The following ADK variants were observed in gnomAD, a reference collection of about 807,000 sequenced individuals.
ADK encodes the protein N6,N6-dimethyladenosine kinase.
Under a neutral mutation model 44.7 loss-of-function variants are expected in ADK, and 24 were observed. The ratio of observed to expected loss-of-function variants is 0.54; its 90% CI spans 0.39 to 0.76. The LOEUF (loss-of-function observed/expected upper bound fraction) is 0.76. Among genes scored for constraint, ADK ranks in the 30% least tolerant of loss-of-function variants. ADK has a pLI of 0.00. For missense variants in ADK, 321 were observed against 425.1 expected (o/e 0.76, Z 2.15); for synonymous variants, 128 against 142.6 (o/e 0.90, Z 0.73).
At chr10:74,201,378 C>G (rs7910153) in intron 2 of ADK, among the ~76,000 whole-genome samples, 112,053 of 152,112 alleles carry the variant, frequency 0.74, 41,973 homozygotes, top group Middle Eastern at 0.85. Flanking sequence ...GAGGCCATTT[C>G]GTACAATAGT....
intron 7 of ADK, among the ~76,000 whole-genome samples, chr10:74,574,383 A>G (rs751400805): frequency 1.3e-5 from 2 of 151,674 alleles, no homozygotes; most frequent in African/African-American, 2.4e-5. Context: ...GTTGGCCAGG[A>G]TGGTCTCGCT....
chr10:74,191,667 TC>T (rs1842956428), intron 1 of ADK, among the ~76,000 whole-genome samples: 1 of 152,048 alleles, frequency 6.6e-6, no homozygotes, highest in Non-Finnish European at 1.5e-5. Flanking sequence ...TCACTCAACT[TC>T]CCCCAATGAT....
intron 3 of ADK, among the ~76,000 whole-genome samples, chr10:74,291,190 G>A (rs1368335690): frequency 1.9e-4 from 29 of 152,180 alleles, no homozygotes; most frequent in Admixed American, 1.9e-3. Flanking sequence ...GCTGAGGTGG[G>A]CGGATCACGA....
intron 3 of ADK, among the ~76,000 whole-genome samples, chr10:74,280,760 C>T (rs1174932493): frequency 1.3e-5 from 2 of 152,098 alleles, no homozygotes; most frequent in Non-Finnish European, 2.9e-5. Context: ...ATTTTGTCAC[C>T]ATTATTTTTT....
chr10:74,552,733 A>G (rs915646839), intron 7 of ADK, among the ~76,000 whole-genome samples: 1 of 152,196 alleles, frequency 6.6e-6, no homozygotes, highest in Non-Finnish European at 1.5e-5. Context: ...AGACAAATCA[A>G]TAGACAAATA....
Position 74,398,484 on chromosome 10 carries a change from A to G in ADK, c.460A>G (p.Asn154Asp), listed in dbSNP as rs1489431646. Residue 154 changes from asparagine (N) to aspartate (D), a missense_variant, in exon 6 of 11, where the codon AAT becomes GAT. Transcript: ENST00000539909. ...ITGDNRSLIANLAAANCYKKE... is the reference protein window; with the variant it reads ...ITGDNRSLIADLAAANCYKKE... ...TGGTTGTTTTAGGTCCCTCATAGCT[A>G]ATCTTGCTGCTGCCAATTGTTATAA... The G allele has an allele frequency of 6.2e-7, 1 of 1,610,546 alleles. No homozygotes were observed. Among genetic ancestry groups the G allele is most frequent in the Non-Finnish European group, 8.5e-7 (1 of 1,177,542 alleles).
At chr10:74,539,145 CTT>C (rs1475208257) in intron 7 of ADK, among the ~76,000 whole-genome samples, 2 of 152,038 alleles carry the variant, frequency 1.3e-5, no homozygotes, top group Non-Finnish European at 2.9e-5. Flanking sequence ...ACAGAGAATT[CTT>C]GTTTGAATTT....
intron 3 of ADK, among the ~76,000 whole-genome samples, chr10:74,229,451 G>T (rs1844667591): frequency 7.0e-6 from 1 of 143,880 alleles, no homozygotes; most frequent in African/African-American, 2.6e-5. Context: ...AGGCTGGAGT[G>T]CAGTGGCGTG....
At chr10:74,151,370 G>A (rs1841579555) in intron 1 of ADK, 27 bp downstream of exon 1, 3 of 1,549,270 alleles carry the variant, frequency 1.9e-6, no homozygotes, top group Middle Eastern at 2.3e-4. Context: ...TTGGGGAGGA[G>A]GGTGACGGCG....
chr10:74,592,926 T>C (rs781040240), intron 8 of ADK, among the ~76,000 whole-genome samples: 3 of 152,162 alleles, frequency 2.0e-5, no homozygotes, highest in Non-Finnish European at 4.4e-5. Context: ...ACATATTGAG[T>C]ACTCTATAGA....
chr10:74,262,728 C>G (rs1846083463), intron 3 of ADK, among the ~76,000 whole-genome samples: 1 of 152,114 alleles, frequency 6.6e-6, no homozygotes, highest in Admixed American at 6.6e-5. Context: ...TACTTGCTGT[C>G]ATGGGATTTA....
At chr10:74,182,183 A>T (rs1251846318) in intron 1 of ADK, among the ~76,000 whole-genome samples, 1 of 152,154 alleles carries the variant, frequency 6.6e-6, no homozygotes, top group East Asian at 1.9e-4. Context: ...TAGAGCCTTA[A>T]AGTTTTCAAA....
intron 9 of ADK, chr10:74,655,737 C>T (rs1483350709): frequency 2.0e-6 from 1 of 487,852 alleles, no homozygotes; most frequent in East Asian, 5.2e-5. Context: ...GGAGGAATTG[C>T]TGTTCCTCCA....
At chr10:74,338,173 A>G (rs1841472419) in intron 4 of ADK, among the ~76,000 whole-genome samples, 1 of 152,234 alleles carries the variant, frequency 6.6e-6, no homozygotes, top group African/African-American at 2.4e-5. Flanking sequence ...ATAAAATAGC[A>G]AGTAAGCCAT....
At chr10:74,674,799 T>G (rs1052946896) in intron 10 of ADK, among the ~76,000 whole-genome samples, 5 of 152,158 alleles carry the variant, frequency 3.3e-5, no homozygotes, top group African/African-American at 1.2e-4. Context: ...GGAGATTCAC[T>G]TGAACCCAGG....
At chr10:74,397,373 A>G (rs973922893) in intron 5 of ADK, among the ~76,000 whole-genome samples, 1 of 151,908 alleles carries the variant, frequency 6.6e-6, no homozygotes, top group Non-Finnish European at 1.5e-5. Context: ...TTTGTAAGCT[A>G]TAACTGTTAC....
At chr10:74,317,183 A>G (rs1394248613) in intron 4 of ADK, among the ~76,000 whole-genome samples, 1 of 152,188 alleles carries the variant, frequency 6.6e-6, no homozygotes, top group African/African-American at 2.4e-5. Context: ...TCCAAACACA[A>G]TTCTAGATTT....
chr10:74,655,666 C>T (rs148804990), intron 9 of ADK: 8 of 460,222 alleles, frequency 1.7e-5, no homozygotes, highest in African/African-American at 1.0e-4. Flanking sequence ...GGAAGACCCC[C>T]GGGCCTCCCG....
intron 4 of ADK, among the ~76,000 whole-genome samples, chr10:74,392,049 T>A (rs1843354451): frequency 6.6e-6 from 1 of 152,148 alleles, no homozygotes; most frequent in African/African-American, 2.4e-5. Flanking sequence ...TGTTTCTTTA[T>A]CCTTTAATTG....
Sources: gnomAD v4.1 joint callset for allele counts (sites outside exome capture counted in the v4.1 genomes callset) on GRCh38, gnomAD v4.1.1 for gene constraint, MANE v1.5 for transcripts, NCBI Gene and HGNC (gene_info 2026-07-23, HGNC 2026-07-21) for gene names.